SHANK2: variants seen among roughly 807,000 people sequenced by gnomAD.
The protein encoded by SHANK2 is SH3 and multiple ankyrin repeat domains protein 2.
In SHANK2, 43 loss-of-function variants were observed where a neutral mutation model predicts 133.7. The observed-to-expected ratio is 0.32, with a 90% CI of 0.25 to 0.41. SHANK2 has a LOEUF of 0.41. Among genes scored for constraint, SHANK2 ranks in the 10% least tolerant of loss-of-function variants. The pLI is 1.00. For missense variants in SHANK2, 1,994 were observed against 2,235.8 expected, an observed-to-expected ratio of 0.89 and a Z score of 2.18; for synonymous variants, 1,017 against 952.8, an observed-to-expected ratio of 1.07 and a Z score of -1.24.
At chr11:70,708,024 G>A (rs1335387088) in intron 14 of SHANK2, among the ~76,000 whole-genome samples, 1 of 152,236 alleles carries the variant, frequency 6.6e-6, no homozygotes, top group Non-Finnish European at 1.5e-5. Flanking sequence ...GGGGCGACAA[G>A]GCTGTCACCA....
intron 14 of SHANK2, among the ~76,000 whole-genome samples, chr11:70,724,262 C>A (rs1555030005): frequency 6.6e-6 from 1 of 152,158 alleles, no homozygotes; most frequent in Non-Finnish European, 1.5e-5. Context: ...TCTCGATCTC[C>A]TGACCTCAAA....
intron 4 of SHANK2, among the ~76,000 whole-genome samples, chr11:71,116,054 C>T (rs1361093517): frequency 1.3e-5 from 2 of 152,234 alleles, no homozygotes; most frequent in Non-Finnish European, 2.9e-5. Flanking sequence ...ACTGAAACCC[C>T]TCCCTGAATC....
chr11:70,797,328 C>G (rs1240002602), intron 14 of SHANK2, among the ~76,000 whole-genome samples: 1 of 152,210 alleles, frequency 6.6e-6, no homozygotes, highest in Non-Finnish European at 1.5e-5. Flanking sequence ...CCAGCTTCTC[C>G]TTCATAGTTA....
In SHANK2 at chr11:71,137,217, G is replaced by A. The variant is rs563587765; in HGVS notation, c.207+9903C>T. Among the ~76,000 whole-genome samples, 208 of 125,154 alleles carry A rather than the reference G, an allele frequency of 1.7e-3. 1 individual carries two copies. The highest frequency in any genetic ancestry group is 4.8e-3 in the Admixed American group (54 of 11,258). The allele number at this position is 125,154 out of a possible 152,430, so 82.1% of individuals were successfully genotyped here. ...CTATAATTTATAAATTATAACTCAA[G>A]AAAACTTTTTGAAAAAAAGAAAGTT... On this transcript the variant is annotated intron_variant, in intron 3 of 25. Transcript: ENST00000601538.
intron 11 of SHANK2, among the ~76,000 whole-genome samples, chr11:70,857,594 G>A (rs897504307): frequency 6.6e-6 from 1 of 152,150 alleles, no homozygotes; most frequent in African/African-American, 2.4e-5. Flanking sequence ...CAGTGCCCAA[G>A]AGAGCACAAG....
At chr11:70,927,115 ATTTC>A (rs1184188180) in intron 10 of SHANK2, among the ~76,000 whole-genome samples, 1 of 152,122 alleles carries the variant, frequency 6.6e-6, no homozygotes, top group Non-Finnish European at 1.5e-5. Flanking sequence ...CAATATGTTA[ATTTC>A]TTTGTTTTAA....
chr11:70,727,947 T>C (rs1368091597), intron 14 of SHANK2, among the ~76,000 whole-genome samples: 2 of 152,196 alleles, frequency 1.3e-5, no homozygotes, highest in Admixed American at 6.5e-5. Flanking sequence ...GGTGTTCTGA[T>C]GAGTTTTGTT....
rs370885363 is a variant in SHANK2, at chr11:70,486,315, G to T, written c.3978C>A (p.Asn1326Lys). 6.2e-7 allele frequency: 1 copy of T among 1,613,908 alleles called. No homozygotes were observed. The change falls in exon 25 of 26, where the codon AAC (asparagine) becomes AAA (lysine). Residue 1326 changes from asparagine (N) to lysine (K), a missense_variant. Physicochemically the swap from Asn to Lys is moderately conservative, Grantham distance 94. This residue lies in a region of SHANK2 where 797 missense variants were observed against 907.4 expected (regional missense o/e 0.88). Transcript: ENST00000601538. This position sits in a 1 kb window ranked among gnomAD's most constrained non-coding sequence, Gnocchi z 8.0. Reference protein sequence around the residue: ...VHTVDATKLDNALQEEDEKAE... With the variant: ...VHTVDATKLDKALQEEDEKAE... The stretch of plus-strand genomic sequence containing the variant: ...CCTTCTCGTCCTCTTCCTGCAGGGC[G>T]TTGTCCAGCTTAGTGGCGTCCACGG...
At chr11:70,932,360 G>A (rs1950514995) in intron 10 of SHANK2, among the ~76,000 whole-genome samples, 1 of 152,234 alleles carries the variant, frequency 6.6e-6, no homozygotes. Flanking sequence ...GGAGCTAGAA[G>A]GAATAAGGGG....
At chr11:70,954,374 T>A (rs1950886989) in intron 10 of SHANK2, among the ~76,000 whole-genome samples, 1 of 152,228 alleles carries the variant, frequency 6.6e-6, no homozygotes, top group African/African-American at 2.4e-5. Flanking sequence ...TCCACCAGCA[T>A]GATCAGAGGA....
chr11:70,825,431 A>G (rs1283162197), intron 11 of SHANK2, among the ~76,000 whole-genome samples: 2 of 152,328 alleles, frequency 1.3e-5, no homozygotes, highest in Non-Finnish European at 2.9e-5. Context: ...AGAGGGGGGA[A>G]GAATTCACAT....
At chr11:71,163,169 G>A (rs545425357) in intron 2 of SHANK2, among the ~76,000 whole-genome samples, 1 of 148,338 alleles carries the variant, frequency 6.7e-6, no homozygotes, top group Non-Finnish European at 1.5e-5. Context: ...AATACTGATG[G>A]TGGGTATAGA....
At chr11:71,225,638 C>T (rs1160610085) in intron 1 of SHANK2, among the ~76,000 whole-genome samples, 1 of 152,028 alleles carries the variant, frequency 6.6e-6, no homozygotes, top group African/African-American at 2.4e-5. Context: ...AGATTTCAAA[C>T]TGAAAAAAAG....
intron 17 of SHANK2, among the ~76,000 whole-genome samples, chr11:70,522,678 ACTGT>A (rs2059345611): frequency 6.6e-6 from 1 of 151,570 alleles, no homozygotes; most frequent in Non-Finnish European, 1.5e-5. Flanking sequence ...ACCTGCTCAC[ACTGT>A]CTAAGCTTTT....
chr11:70,725,533 G>C (rs1946161871), intron 14 of SHANK2, among the ~76,000 whole-genome samples: 1 of 152,204 alleles, frequency 6.6e-6, no homozygotes, highest in Non-Finnish European at 1.5e-5. Context: ...CAGAGCAAGG[G>C]CCTGGTGCCC....
intron 2 of SHANK2, among the ~76,000 whole-genome samples, chr11:71,202,783 G>A (rs1297771397): frequency 2.6e-5 from 4 of 152,166 alleles, no homozygotes; most frequent in African/African-American, 4.8e-5. Flanking sequence ...CCACCTGGCC[G>A]GCTCCACTGC....
intron 11 of SHANK2, among the ~76,000 whole-genome samples, chr11:70,824,099 G>C (rs1948599765): frequency 6.8e-6 from 1 of 148,008 alleles, no homozygotes; most frequent in African/African-American, 2.5e-5. Flanking sequence ...GCTCCTGAGG[G>C]CAGAGGAGGT....
intron 14 of SHANK2, among the ~76,000 whole-genome samples, chr11:70,727,600 G>A (rs187860906): frequency 6.6e-6 from 1 of 152,196 alleles, no homozygotes; most frequent in African/African-American, 2.4e-5. Flanking sequence ...TGTTCCTCTT[G>A]CTAGGTGGTT....
At chr11:70,829,343 G>A (rs574325481) in intron 11 of SHANK2, among the ~76,000 whole-genome samples, 107 of 152,296 alleles carry the variant, frequency 7.0e-4, no homozygotes, top group African/African-American at 2.5e-3. Context: ...TCCGGTGCGT[G>A]TGCAGCAGCT....
Sources: allele counts gnomAD v4.1 joint callset (sites outside exome capture counted in the v4.1 genomes callset), GRCh38; gene constraint gnomAD v4.1.1; regional missense constraint gnomAD v4.1.1; non-coding constraint Gnocchi (gnomAD v3.1); transcripts MANE v1.5; gene names NCBI Gene and HGNC (gene_info 2026-07-23, HGNC 2026-07-21).